Variants in DNAAF11 observed in about 807,000 individuals in gnomAD.
DNAAF11 encodes the protein leucine rich repeat containing 6.
DNAAF11 carries 45 observed loss-of-function variants against 60.8 expected under a neutral mutation model. That is an observed-to-expected ratio of 0.74 (90% CI 0.58 to 0.95). The LOEUF is 0.95. Ranked by LOEUF, DNAAF11 falls within the 40% of genes least tolerant of loss-of-function variation. The pLI is 0.00. For missense variants in DNAAF11, 546 were observed against 546.2 expected (o/e 1.00, Z 0.00); for synonymous variants, 191 against 183.5 (o/e 1.04, Z -0.33).
chr8:132,674,488 A>G (rs1825579390), intron 1 of DNAAF11, among the ~76,000 whole-genome samples: 1 of 152,250 alleles, frequency 6.6e-6, no homozygotes, highest in African/African-American at 2.4e-5. Context: ...AGAGCTGTAC[A>G]AAACTGCCAT....
At chr8:132,649,226 C>T (rs992810869) in intron 3 of DNAAF11, among the ~76,000 whole-genome samples, 1 of 152,146 alleles carries the variant, frequency 6.6e-6, no homozygotes, top group African/African-American at 2.4e-5. Context: ...CATCTACAAC[C>T]ATCTGATCTT....
chr8:132,654,794 T>G (rs1050798678), intron 3 of DNAAF11, among the ~76,000 whole-genome samples: 1 of 151,412 alleles, frequency 6.6e-6, no homozygotes, highest in African/African-American at 2.4e-5. Flanking sequence ...ATAGGAAAAT[T>G]CATAGAATTT....
At chr8:132,592,096 T>G (rs2131080916) in intron 10 of DNAAF11, among the ~76,000 whole-genome samples, 1 of 152,340 alleles carries the variant, frequency 6.6e-6, no homozygotes, top group African/African-American at 2.4e-5. Flanking sequence ...AAAATATGCA[T>G]TTATGTATTC....
intron 10 of DNAAF11, among the ~76,000 whole-genome samples, chr8:132,601,354 AG>A (rs1252028999): frequency 6.6e-6 from 1 of 152,152 alleles, no homozygotes; most frequent in African/African-American, 2.4e-5. Flanking sequence ...CCATTGTGGA[AG>A]ACAGTGTGGT....
intron 11 of DNAAF11, among the ~76,000 whole-genome samples, chr8:132,576,706 G>A (rs190414433): frequency 6.6e-6 from 1 of 152,084 alleles, no homozygotes; most frequent in Admixed American, 6.5e-5. Context: ...TGTTGAACTG[G>A]TATCATGCAA....
chr8:132,627,831 C>T (rs938256863), intron 5 of DNAAF11, among the ~76,000 whole-genome samples: 1 of 152,084 alleles, frequency 6.6e-6, no homozygotes, highest in South Asian at 2.1e-4. Context: ...ATGACCACTC[C>T]TATTATAACC....
the DNAAF11 span, among the ~76,000 whole-genome samples, chr8:132,701,980 A>G: frequency 3.3e-5 from 5 of 152,308 alleles, no homozygotes; most frequent in Admixed American, 3.3e-4. Context: ...GGCCTTGGCT[A>G]TTCTTGAGTT....
intron 10 of DNAAF11, among the ~76,000 whole-genome samples, chr8:132,606,772 G>C (rs539465426): frequency 3.3e-5 from 5 of 152,282 alleles, no homozygotes; most frequent in African/African-American, 1.2e-4. Flanking sequence ...CCAAAGCGCT[G>C]AGATTACAGG....
intron 10 of DNAAF11, among the ~76,000 whole-genome samples, chr8:132,607,455 C>T (rs1317522472): frequency 1.3e-5 from 2 of 152,088 alleles, no homozygotes; most frequent in Non-Finnish European, 2.9e-5. Context: ...CTGGGAACAT[C>T]CACTGACATG....
At chr8:132,640,343 AGTC>A in intron 3 of DNAAF11, among the ~76,000 whole-genome samples, 1 of 152,154 alleles carries the variant, frequency 6.6e-6, no homozygotes, top group Admixed American at 6.5e-5. Context: ...TGATGACAAC[AGTC>A]ATGGTTATTG....
rs1167068757 is a variant in DNAAF11, at chr8:132,670,030, T to C, written c.10+5454A>G. Among the ~76,000 whole-genome samples, 55 of 151,650 alleles carry C rather than the reference T, an allele frequency of 3.6e-4. 1 individual carries two copies. Among genetic ancestry groups the C allele is most frequent in the Admixed American group, 3.6e-3 (55 of 15,238 alleles). The stretch of plus-strand genomic sequence containing the variant: ...GCTAAAACATTACTTAGAGGTAAAT[T>C]TATAGCATTAAATACTTATAGTAGG... On this transcript the variant is annotated intron_variant, in intron 1 of 11. Coordinates refer to ENST00000620350, the MANE Select transcript of DNAAF11 (RefSeq NM_012472.6).
chr8:132,592,617 G>T (rs929635266), intron 10 of DNAAF11, among the ~76,000 whole-genome samples: 4 of 152,090 alleles, frequency 2.6e-5, no homozygotes, highest in Non-Finnish European at 5.9e-5. Context: ...GGAGAAACTG[G>T]CACCATAAAG....
intron 5 of DNAAF11, 63 bp from the exon 6 acceptor site, chr8:132,625,517 T>G: frequency 2.4e-6 from 3 of 1,236,924 alleles, no homozygotes; most frequent in Non-Finnish European, 3.4e-6. Context: ...TCCTTAATGC[T>G]GGCCCTTTAA....
At chr8:132,589,722 T>G (rs760412245) in intron 10 of DNAAF11, among the ~76,000 whole-genome samples, 4 of 152,214 alleles carry the variant, frequency 2.6e-5, no homozygotes, top group Non-Finnish European at 5.9e-5. Flanking sequence ...ATTGGCTAAT[T>G]GTGCTGTTCT....
intron 10 of DNAAF11, among the ~76,000 whole-genome samples, chr8:132,593,255 G>A (rs1816645636): frequency 6.8e-6 from 1 of 147,132 alleles, no homozygotes; most frequent in African/African-American, 2.5e-5. Flanking sequence ...ATTGAGCTCA[G>A]TAAAAAAAGA....
the DNAAF11 span, among the ~76,000 whole-genome samples, chr8:132,683,465 C>T: frequency 6.6e-6 from 1 of 152,208 alleles, no homozygotes; most frequent in African/African-American, 2.4e-5. Flanking sequence ...GTCAGCTGCT[C>T]TTGTATGGGC....
intron 11 of DNAAF11, among the ~76,000 whole-genome samples, chr8:132,581,573 C>T (rs1815331708): frequency 6.6e-6 from 1 of 150,780 alleles, no homozygotes; most frequent in African/African-American, 2.4e-5. Context: ...TCGCTTGAAT[C>T]CAGGAGGCAG....
At chr8:132,617,482 T>C (rs985683641) in intron 7 of DNAAF11, among the ~76,000 whole-genome samples, 2 of 152,194 alleles carry the variant, frequency 1.3e-5, no homozygotes, top group Non-Finnish European at 2.9e-5. Flanking sequence ...GTGATTTTTG[T>C]ACATTGATTT....
chr8:132,578,333 A>C (rs541934330), intron 11 of DNAAF11: 1 of 753,862 alleles, frequency 1.3e-6, no homozygotes, highest in East Asian at 2.9e-5. Context: ...GGAGTCAAAA[A>C]CAGTAAGCAG....
Sources: gnomAD v4.1 joint callset for allele counts (sites outside exome capture counted in the v4.1 genomes callset) on GRCh38, gnomAD v4.1.1 for gene constraint, MANE v1.5 for transcripts, NCBI Gene and HGNC (gene_info 2026-07-23, HGNC 2026-07-21) for gene names.